OTOGL: variants seen among roughly 807,000 people sequenced by gnomAD.
OTOGL encodes otogelin-like protein.
A neutral mutation model predicts 318.5 loss-of-function variants in OTOGL; 285 were observed. The ratio of observed to expected loss-of-function variants is 0.89; its 90% CI spans 0.81 to 0.99. OTOGL has a LOEUF of 0.99. Among genes scored for constraint, OTOGL ranks in the 50% least tolerant of loss-of-function variants. The pLI, the probability that OTOGL is intolerant of heterozygous loss-of-function variation, is 0.00. For missense variants in OTOGL, 2,899 were observed against 2,845.6 expected (o/e 1.02, Z -0.43); for synonymous variants, 987 against 936.5 (o/e 1.05, Z -0.99).
At chr12:80,217,351 A>G (rs1017079059) in intron 4 of OTOGL, among the ~76,000 whole-genome samples, 1 of 152,158 alleles carries the variant, frequency 6.6e-6, no homozygotes, top group African/African-American at 2.4e-5. Context: ...GAGCAGACAA[A>G]GTAAATATAG....
intron 1 of OTOGL, among the ~76,000 whole-genome samples, chr12:80,126,378 A>G (rs1243202108): frequency 3.9e-5 from 6 of 152,096 alleles, no homozygotes; most frequent in Non-Finnish European, 2.9e-5. Context: ...CCTGAATTCT[A>G]GTTTGATTGC....
chr12:80,325,334 T>A (rs1430381032), intron 35 of OTOGL, among the ~76,000 whole-genome samples: 1 of 152,180 alleles, frequency 6.6e-6, no homozygotes, highest in Non-Finnish European at 1.5e-5. Flanking sequence ...ACAATCTTAA[T>A]ACATTGGGAA....
In OTOGL at chr12:80,339,117, C is replaced by G. The variant is rs766038825; in HGVS notation, c.4903C>G (p.Gln1635Glu). 1 of 1,611,442 alleles carries G rather than the reference C, an allele frequency of 6.2e-7. No homozygotes were observed. The highest frequency in any genetic ancestry group is 1.7e-5 in the Admixed American group (1 of 59,900). Residue 1635 changes from glutamine to glutamate, a missense_variant, in exon 43 of 59, where the codon CAG (glutamine) becomes GAG (glutamate). Physicochemically the swap from Gln to Glu is conservative, Grantham distance 29. Coordinates refer to ENST00000547103, the MANE Select transcript of OTOGL (RefSeq NM_001378609.3). Reference protein sequence around the residue: ...SIVVPLPFSSQELSIEDSGSM... With the variant: ...SIVVPLPFSSEELSIEDSGSM... ...TGTTGTGCCTTTGCCCTTTTCAAGT[C>G]AGGAACTGTCCATAGAGGATTCTGG...
chr12:80,151,274 A>T (rs906123503), intron 1 of OTOGL, among the ~76,000 whole-genome samples: 4 of 152,224 alleles, frequency 2.6e-5, no homozygotes, highest in Non-Finnish European at 1.5e-5. Context: ...GCAAACTAAG[A>T]TTTGATAGAA....
rs1887509783 is a variant in OTOGL, at chr12:80,323,841, G to GT, written c.4199+2dup. 1.9e-6 allele frequency: 3 copies of GT among 1,597,212 alleles called. No individual in the cohort carries two copies. The African/African-American group carries it at 4.0e-5, about 21-fold the overall frequency. Reference sequence around the variant, plus strand: ...CACTAGCATGTAAATTTCTTCCACCGTAAGTAACGTTTACCAATAAGTGAT... The same window carrying GT: ...CACTAGCATGTAAATTTCTTCCACCGTTAAGTAACGTTTACCAATAAGTGAT... On this transcript the variant is annotated splice_donor_variant, in intron 35 of 58. Transcript: ENST00000547103. LOFTEE classifies it high-confidence loss of function.
chr12:80,239,220 C>T, intron 10 of OTOGL, 113 bp from the exon 11 acceptor site: 2 of 969,608 alleles, frequency 2.1e-6, no homozygotes, highest in Non-Finnish European at 2.9e-6. Flanking sequence ...TATAAGTTAC[C>T]ATCTTTTTCC....
intron 1 of OTOGL, among the ~76,000 whole-genome samples, chr12:80,146,315 T>G (rs1872353277): frequency 6.8e-6 from 1 of 147,262 alleles, no homozygotes; most frequent in Admixed American, 6.6e-5. Flanking sequence ...ATTGAGATAA[T>G]CATGTGGTTT....
In OTOGL at chr12:80,158,577, A is replaced by C. The variant is rs552691655; in HGVS notation, c.-19-50836A>C. Among the ~76,000 whole-genome samples the C allele has an allele frequency of 2.5e-3, 383 of 152,122 alleles. 1 individual carries two copies. Among genetic ancestry groups the C allele is most frequent in the Non-Finnish European group, 4.0e-3 (271 of 67,946 alleles). On this transcript the variant is annotated intron_variant, in intron 1 of 58. Coordinates refer to ENST00000547103, the MANE Select transcript of OTOGL (RefSeq NM_001378609.3). ...ATATTTATATGTACATTATATATAC[A>C]TATATATGTATAAGCTTTTGTAAAA...
chr12:80,118,130 A>G (rs1466494233), intron 1 of OTOGL, among the ~76,000 whole-genome samples: 2 of 152,094 alleles, frequency 1.3e-5, no homozygotes, highest in Non-Finnish European at 2.9e-5. Flanking sequence ...TCTCAGAACT[A>G]TAGGAACACC....
At chr12:80,189,310 C>A in intron 1 of OTOGL, 1 of 496,828 alleles carries the variant, frequency 2.0e-6, no homozygotes, top group Non-Finnish European at 2.6e-6. Context: ...TTTTACTCAA[C>A]ATTGTCTTTA....
chr12:80,338,582 CTA>C (rs1340752127), intron 42 of OTOGL, among the ~76,000 whole-genome samples: 1 of 151,994 alleles, frequency 6.6e-6, no homozygotes, highest in Non-Finnish European at 1.5e-5. Context: ...AAAATACAGT[CTA>C]TAATCCAATG....
rs183251553 is a variant in OTOGL at position 80,149,861 on chromosome 12, C to T, written c.-20+50256C>T. Among the ~76,000 whole-genome samples, 408 of 152,248 alleles carry T rather than the reference C, an allele frequency of 2.7e-3. 1 individual carries two copies. The highest frequency in any genetic ancestry group is 9.1e-3 in the African/African-American group (377 of 41,566). On this transcript the variant is annotated intron_variant, in intron 1 of 58. Transcript: ENST00000547103. ...TGCCGGCTGACTAGGAAAGGGAGCT[C>T]CCTGACCCCTTGCACTTCCCGAGTG...
intron 28 of OTOGL, among the ~76,000 whole-genome samples, chr12:80,304,202 T>G (rs1664839332): frequency 6.6e-6 from 1 of 152,216 alleles, no homozygotes; most frequent in Admixed American, 6.5e-5. Context: ...ACCACACAAT[T>G]TATTTATCCA....
At chr12:80,302,888 T>C (rs1447769776) in intron 28 of OTOGL, 105 bp downstream of exon 28, 2 of 1,080,660 alleles carry the variant, frequency 1.9e-6, no homozygotes, top group Admixed American at 3.9e-5. Context: ...AAGAACTAGG[T>C]TATATTTCCA....
intron 44 of OTOGL, among the ~76,000 whole-genome samples, chr12:80,345,572 A>G (rs1889144923): frequency 6.6e-6 from 1 of 152,168 alleles, no homozygotes; most frequent in Non-Finnish European, 1.5e-5. Context: ...AGTTGAAAAT[A>G]TAATTTTTCA....
chr12:80,156,969 C>A (rs1246807247), intron 1 of OTOGL, among the ~76,000 whole-genome samples: 1 of 152,078 alleles, frequency 6.6e-6, no homozygotes, highest in Non-Finnish European at 1.5e-5. Context: ...AGTGGAATTG[C>A]TGGATCATAG....
chr12:80,225,244 C>A (rs1233464406), intron 7 of OTOGL, among the ~76,000 whole-genome samples: 1 of 151,862 alleles, frequency 6.6e-6, no homozygotes, highest in African/African-American at 2.4e-5. Flanking sequence ...TACTCCCCCA[C>A]CCCTCACTTG....
intron 52 of OTOGL, among the ~76,000 whole-genome samples, chr12:80,363,290 G>A (rs114644879): frequency 0.011 from 1,719 of 152,264 alleles, 32 homozygotes; most frequent in African/African-American, 0.039. Flanking sequence ...TTATATGATA[G>A]GAGATGGAAA....
chr12:80,261,253 T>C (rs1303626615), intron 18 of OTOGL, among the ~76,000 whole-genome samples: 1 of 152,158 alleles, frequency 6.6e-6, no homozygotes, highest in African/African-American at 2.4e-5. Flanking sequence ...ACCTGATTCC[T>C]AAGAAGTTTT....
Sources: allele counts gnomAD v4.1 joint callset (sites outside exome capture counted in the v4.1 genomes callset), GRCh38; gene constraint gnomAD v4.1.1; transcripts MANE v1.5; gene names NCBI Gene and HGNC (gene_info 2026-07-23, HGNC 2026-07-21).